The following TPM3 variants were observed in gnomAD, a reference collection of about 807,000 sequenced individuals.
TPM3 encodes tropomyosin alpha-3 chain.
In TPM3, 16 loss-of-function variants were observed where a neutral mutation model predicts 43.1. That is an observed-to-expected ratio of 0.37 (90% CI 0.25 to 0.56). TPM3 has a LOEUF of 0.56. Ranked by LOEUF, TPM3 falls within the 20% of genes least tolerant of loss-of-function variation. The pLI, the probability that TPM3 is intolerant of heterozygous loss-of-function variation, is 0.77. For synonymous variants in TPM3, 101 were observed against 116.9 expected, an observed-to-expected ratio of 0.86 and a Z score of 0.88; for missense variants, 176 against 337.2, an observed-to-expected ratio of 0.52 and a Z score of 3.74.
intron 6 of TPM3, 101 bp downstream of exon 6, chr1:154,171,312 C>T (rs1661546397): frequency 8.0e-7 from 1 of 1,250,088 alleles, no homozygotes; most frequent in Non-Finnish European, 1.2e-6. Flanking sequence ...AGAGGACACG[C>T]CTCACTGGAT....
intron 2 of TPM3, chr1:154,183,070 A>T: frequency 6.2e-7 from 1 of 1,603,764 alleles, no homozygotes; most frequent in Non-Finnish European, 8.5e-7. Context: ...CTGCTGCTGC[A>T]GAACCTGGAT....
rs1660648715 is a variant in TPM3, at chr1:154,163,787, C to T, written c.*4150G>A. ...TAGTTGGGACTACAGGTGCCCGCAACCACGCCCAGCTAATTTTTTGTATTT... is the reference window on the plus strand; with the variant it reads ...TAGTTGGGACTACAGGTGCCCGCAATCACGCCCAGCTAATTTTTTGTATTT... On this transcript the variant is annotated 3_prime_UTR_variant, in exon 10 of 10. Transcript: ENST00000651641. Among the ~76,000 whole-genome samples, 1 of 152,120 alleles carries T rather than the reference C, an allele frequency of 6.6e-6. No individual in the cohort carries two copies.
intron 3 of TPM3, among the ~76,000 whole-genome samples, chr1:154,174,368 G>GTGTGTATATA (rs1389219269): frequency 3.5e-4 from 16 of 46,370 alleles, no homozygotes; most frequent in South Asian, 9.5e-4. Flanking sequence ...AAATATATGT[G>GTGTGTATATA]TATATATATA....
intron 2 of TPM3, among the ~76,000 whole-genome samples, chr1:154,185,787 T>C (rs941744484): frequency 6.6e-6 from 1 of 151,252 alleles, no homozygotes; most frequent in African/African-American, 2.5e-5. Context: ...GGAAGCACAA[T>C]AGTAAAGAGA....
rs1205550890 is a variant in TPM3 at position 154,163,127 on chromosome 1, G to T, written c.*4810C>A. 2.0e-5 allele frequency among the ~76,000 whole-genome samples: 3 copies of T among 152,116 alleles called. No individual in the cohort carries two copies. Among genetic ancestry groups the T allele is most frequent in the African/African-American group, 7.2e-5 (3 of 41,424 alleles). On this transcript the variant is annotated 3_prime_UTR_variant, in exon 10 of 10. Transcript: ENST00000651641. The stretch of plus-strand genomic sequence containing the variant: ...CCCGGTCTACTTCCTTCCTTTCTAA[G>T]AAGTCTTTCTTCATGTCAAAGCCAA...
chr1:154,176,020 A>G, intron 3 of TPM3, 95 bp downstream of exon 3: 1 of 1,591,132 alleles, frequency 6.3e-7, no homozygotes, highest in Non-Finnish European at 8.6e-7. Context: ...ACACGCAGCC[A>G]GAATTGCTAT....
downstream of TPM3, among the ~76,000 whole-genome samples, chr1:154,160,656 A>G (rs1017537373): frequency 6.6e-6 from 1 of 152,180 alleles, no homozygotes; most frequent in Admixed American, 6.5e-5. Flanking sequence ...GAAGGCCCAT[A>G]CAGGTATCTG....
intron 9 of TPM3, among the ~76,000 whole-genome samples, chr1:154,168,243 A>T (rs1420186631): frequency 1.3e-5 from 2 of 152,106 alleles, no homozygotes; most frequent in Non-Finnish European, 2.9e-5. Flanking sequence ...TGAATTTGGT[A>T]TTTCCCATCT....
downstream of TPM3, chr1:154,155,694 G>C (rs1041587439): frequency 8.7e-6 from 2 of 229,072 alleles, no homozygotes; most frequent in Non-Finnish European, 1.7e-5. Context: ...CAGTACAGTT[G>C]GTTAAAACCA....
At chr1:154,171,217 CA>C in intron 6 of TPM3, 195 bp downstream of exon 6, 2 of 663,190 alleles carry the variant, frequency 3.0e-6, no homozygotes, top group Non-Finnish European at 5.3e-6. Flanking sequence ...AACCTGAGAC[CA>C]AGAAGTTATT....
intron 2 of TPM3, among the ~76,000 whole-genome samples, chr1:154,180,950 G>A (rs1307558258): frequency 6.6e-6 from 1 of 151,742 alleles, no homozygotes; most frequent in Non-Finnish European, 1.5e-5. Flanking sequence ...GGGATGGGAG[G>A]CAGGAATCAC....
intron 2 of TPM3, among the ~76,000 whole-genome samples, chr1:154,188,201 A>T (rs1157610296): frequency 6.6e-6 from 1 of 151,518 alleles, no homozygotes; most frequent in Non-Finnish European, 1.5e-5. Context: ...GACTACCGGC[A>T]CATGCCACCA....
At chr1:154,169,275 C>T in intron 9 of TPM3, 30 bp downstream of exon 9, 1 of 1,612,954 alleles carries the variant, frequency 6.2e-7, no homozygotes, top group Non-Finnish European at 8.5e-7. Context: ...AAGCCAAGAT[C>T]CCAGCCCCAC....
At chr1:154,191,440 G>T in intron 1 of TPM3, 129 bp from the exon 2 acceptor site, 1 of 1,487,058 alleles carries the variant, frequency 6.7e-7, no homozygotes, top group Non-Finnish European at 9.1e-7. Context: ...TTTCTCCCCA[G>T]CCACTTCCAG....
chr1:154,171,530 G>C (rs776771916), intron 5 of TPM3, 42 bp from the exon 6 acceptor site: 15 of 1,603,606 alleles, frequency 9.4e-6, no homozygotes, highest in Non-Finnish European at 1.2e-5. Flanking sequence ...AAAGGGAAAA[G>C]GAAGAGAATA....
downstream of TPM3, chr1:154,155,420 T>G: frequency 3.2e-6 from 1 of 313,964 alleles, no homozygotes; most frequent in African/African-American, 2.1e-5. Context: ...GATTTCCAGT[T>G]AGCATTGGTC....
chr1:154,170,331 G>T, intron 8 of TPM3, 69 bp downstream of exon 8: 5 of 1,542,764 alleles, frequency 3.2e-6, no homozygotes, highest in Non-Finnish European at 4.5e-6. Flanking sequence ...TACAGAAAAA[G>T]AGATTAATGG....
In TPM3 at chr1:154,167,938, T is replaced by G. The variant is rs199474720; in HGVS notation, c.857A>C (p.Ter286SerextTer57). 5 of 1,613,848 alleles carry G rather than the reference T, an allele frequency of 3.1e-6. No homozygotes were observed. In the Admixed American group the frequency reaches 8.3e-5, roughly 27 times the overall value. Residue 286 changes from the stop codon to serine, a stop_lost and splice_region_variant, in exon 10 of 10, where the codon TAA becomes TCA. Transcript: ENST00000651641. ...AGAACAGAGCAGAAACGGTGATAAT[T>G]ATCTGTATGAAAAAGTAAGGATACT... ...DHALNDMTSI[*>S]
chr1:154,181,773 T>C (rs945566990), intron 2 of TPM3, among the ~76,000 whole-genome samples: 17 of 151,976 alleles, frequency 1.1e-4, no homozygotes, highest in African/African-American at 4.1e-4. Context: ...TACAAAAAAT[T>C]AGCCAGACTT....
Sources: allele counts gnomAD v4.1 joint callset (sites outside exome capture counted in the v4.1 genomes callset), GRCh38; gene constraint gnomAD v4.1.1; transcripts MANE v1.5; gene names NCBI Gene and HGNC (gene_info 2026-07-23, HGNC 2026-07-21).